The following ATRNL1 variants were observed in gnomAD, a reference collection of about 807,000 sequenced individuals.
ATRNL1 encodes attractin-like protein 1.
ATRNL1 carries 95 observed loss-of-function variants against 182.7 expected under a neutral mutation model. The observed-to-expected ratio is 0.52, with a 90% CI of 0.44 to 0.62. The LOEUF (loss-of-function observed/expected upper bound fraction) is 0.62. ATRNL1 is among the 20% of genes least tolerant of loss of function. The probability of loss-of-function intolerance (pLI) is 0.00; values close to 1 mark genes in which losing one functional copy is unlikely to be tolerated. For synonymous variants in ATRNL1, 576 were observed against 568.3 expected (o/e 1.01, Z -0.19); for missense variants, 1,471 against 1,679.5 (o/e 0.88, Z 2.17).
intron 13 of ATRNL1, among the ~76,000 whole-genome samples, chr10:115,269,978 T>G (rs1450216960): frequency 1.3e-5 from 2 of 151,962 alleles, no homozygotes; most frequent in African/African-American, 4.8e-5. Context: ...TGTTATATAC[T>G]TTCCAGTGAT....
chr10:115,714,926 G>C (rs1237487162), intron 26 of ATRNL1, among the ~76,000 whole-genome samples: 8 of 152,168 alleles, frequency 5.3e-5, no homozygotes, highest in African/African-American at 1.9e-4. Flanking sequence ...GGTTAGATAT[G>C]TCTTCTTAGC....
intron 24 of ATRNL1, among the ~76,000 whole-genome samples, chr10:115,502,682 T>C (rs914667919): frequency 6.6e-6 from 1 of 152,128 alleles, no homozygotes; most frequent in Admixed American, 6.6e-5. Context: ...GCTGTACATA[T>C]GCTGGTATTG....
intron 28 of ATRNL1, among the ~76,000 whole-genome samples, chr10:115,915,172 C>G (rs1272461736): frequency 2.6e-5 from 4 of 152,042 alleles, no homozygotes; most frequent in Non-Finnish European, 4.4e-5. Flanking sequence ...CCGAGGCAGG[C>G]GGATCACGAA....
At chr10:115,847,823 A>T in intron 27 of ATRNL1, 54 bp from the exon 28 acceptor site, 2 of 919,076 alleles carry the variant, frequency 2.2e-6, no homozygotes, top group Non-Finnish European at 1.8e-6. Context: ...GGTGAAAATT[A>T]AAATAGCAAT....
chr10:115,386,657 T>A (rs1350085580), intron 19 of ATRNL1, among the ~76,000 whole-genome samples: 1 of 152,052 alleles, frequency 6.6e-6, no homozygotes, highest in Non-Finnish European at 1.5e-5. Context: ...GTCTTTTTTT[T>A]TTATTTTTAT....
rs373447901 is a variant in ATRNL1, at chr10:115,360,365, A to G, written c.3175+25946A>G. 8.1e-4 allele frequency among the ~76,000 whole-genome samples: 123 copies of G among 151,860 alleles called. 2 individuals are homozygous for G. The South Asian group carries it at 0.025, about 31-fold the overall frequency. On this transcript the variant is annotated intron_variant, in intron 19 of 28. Transcript: ENST00000355044. ...ATAAGTCCATGTGAAAGAGCTATAA[A>G]GAAAATACAAACAGTTCCCCCAAAT...
intron 26 of ATRNL1, among the ~76,000 whole-genome samples, chr10:115,723,522 T>C (rs1051257351): frequency 7.1e-6 from 1 of 140,260 alleles, no homozygotes; most frequent in African/African-American, 2.5e-5. Context: ...AGCGTAGATA[T>C]TCTTTTCTTT....
At chr10:115,237,147 A>G (rs1230892816) in intron 9 of ATRNL1, among the ~76,000 whole-genome samples, 1 of 152,174 alleles carries the variant, frequency 6.6e-6, no homozygotes, top group African/African-American at 2.4e-5. Context: ...CCAGTTACCT[A>G]TTGAAGAACA....
At chr10:115,438,205 A>G (rs2134436708) in intron 21 of ATRNL1, among the ~76,000 whole-genome samples, 1 of 152,112 alleles carries the variant, frequency 6.6e-6, no homozygotes, top group East Asian at 1.9e-4. Context: ...TTGATACAGC[A>G]TATGCAAATC....
At chr10:115,838,208 G>A (rs184374977) in intron 27 of ATRNL1, among the ~76,000 whole-genome samples, 1 of 152,280 alleles carries the variant, frequency 6.6e-6, no homozygotes, top group Admixed American at 6.5e-5. Flanking sequence ...AGACTTTATA[G>A]TAAGATTATT....
chr10:115,650,674 T>G (rs1274301002), intron 26 of ATRNL1, among the ~76,000 whole-genome samples: 1 of 152,086 alleles, frequency 6.6e-6, no homozygotes, highest in Non-Finnish European at 1.5e-5. Flanking sequence ...TTTTTTAAAT[T>G]TCTTCTATCA....
chr10:115,812,919 A>G (rs1426090885), intron 27 of ATRNL1, among the ~76,000 whole-genome samples: 4 of 150,402 alleles, frequency 2.7e-5, no homozygotes, highest in African/African-American at 1.0e-4. Context: ...TGTCCCTAGA[A>G]TTAATAGAAT....
At chr10:115,679,516 T>C (rs1482082880) in intron 26 of ATRNL1, among the ~76,000 whole-genome samples, 1 of 152,038 alleles carries the variant, frequency 6.6e-6, no homozygotes, top group Non-Finnish European at 1.5e-5. Context: ...CTAGACTCAG[T>C]GAGAGCTACA....
chr10:115,293,657 G>A (rs1853033851), intron 15 of ATRNL1, among the ~76,000 whole-genome samples: 1 of 152,148 alleles, frequency 6.6e-6, no homozygotes, highest in Admixed American at 6.5e-5. Context: ...GTCTATTGGT[G>A]ATTAATTTCA....
At chr10:115,287,956 C>G (rs1473281615) in intron 15 of ATRNL1, among the ~76,000 whole-genome samples, 4 of 118,412 alleles carry the variant, frequency 3.4e-5, no homozygotes, top group Non-Finnish European at 5.0e-5. Context: ...TTAGCTTCCA[C>G]TTATGAATGA....
At chr10:115,458,054 AG>A (rs1257593468) in intron 21 of ATRNL1, among the ~76,000 whole-genome samples, 1 of 152,184 alleles carries the variant, frequency 6.6e-6, no homozygotes, top group Non-Finnish European at 1.5e-5. Flanking sequence ...ACCATAATAG[AG>A]TAGTTCATTA....
At chr10:115,739,283 A>G (rs1284543423) in intron 27 of ATRNL1, among the ~76,000 whole-genome samples, 2 of 152,206 alleles carry the variant, frequency 1.3e-5, no homozygotes, top group Non-Finnish European at 2.9e-5. Context: ...TCAATCTAGC[A>G]TAAACTATTT....
rs185492748 is a variant in ATRNL1, at chr10:115,165,934, C to T, written c.1092+289C>T. Among the ~76,000 whole-genome samples, 149 of 152,126 alleles carry T rather than the reference C, an allele frequency of 9.8e-4. 1 individual carries two copies. The highest frequency in any genetic ancestry group is 3.4e-3 in the Middle Eastern group (1 of 294). On this transcript the variant is annotated intron_variant, in intron 7 of 28. Transcript: ENST00000355044. ...GAAATACATGTAACATAAAATTTAC[C>T]ATTTTAACTATTTTTAAGTATAGAG...
Position 115,334,328 on chromosome 10 carries a change from C to T in ATRNL1, c.3084C>T (p.Cys1028=), listed in dbSNP as rs782575146. 1.6e-5 allele frequency: 25 copies of T among 1,600,092 alleles called. No individual in the cohort carries two copies. The highest frequency in any genetic ancestry group is 5.1e-5 in the Admixed American group (3 of 59,364). Residue 1028 remains cysteine (C), a synonymous_variant, in exon 19 of 29, where the codon TGC becomes TGT. Coordinates refer to ENST00000355044, the MANE Select transcript of ATRNL1 (RefSeq NM_207303.4). Reference sequence around the variant, plus strand: ...GCACTTGCATCAATAATAATGTGTGCGAACAGTGTAAAAATCTCACCACAG... The same window carrying T: ...GCACTTGCATCAATAATAATGTGTGTGAACAGTGTAAAAATCTCACCACAG... ...GHSTCINNNV[C]EQCKNLTTGK...
Sources: allele counts gnomAD v4.1 joint callset (sites outside exome capture counted in the v4.1 genomes callset), GRCh38; gene constraint gnomAD v4.1.1; transcripts MANE v1.5; gene names NCBI Gene and HGNC (gene_info 2026-07-23, HGNC 2026-07-21).